The following CPXCR1 variants were observed in gnomAD, a reference collection of about 807,000 sequenced individuals.
CPXCR1 encodes CPX chromosome region candidate 1.
A neutral mutation model predicts 13.8 loss-of-function variants in CPXCR1; 15 were observed. That is an observed-to-expected ratio of 1.09 (90% CI 0.73 to 1.67). CPXCR1 has a LOEUF of 1.67. Ranked by LOEUF, CPXCR1 falls within the 40% of genes most tolerant of loss-of-function variation. The pLI is 0.00. For missense variants in CPXCR1, 247 were observed against 223.6 expected (o/e 1.10, Z -0.67); for synonymous variants, 70 against 76.7 (o/e 0.91, Z 0.46).
chrX:88,750,021 A>G (rs1211329252), intron 2 of CPXCR1, among the ~76,000 whole-genome samples: 1 of 110,441 alleles, frequency 9.1e-6, no homozygotes, highest in Admixed American at 9.8e-5. Context: ...GTCATCTGCA[A>G]ACAGAGGCAA....
In CPXCR1 at chrX:88,753,979, C is replaced by T. The variant is rs868179536; in HGVS notation, c.565C>T (p.His189Tyr). Reference protein sequence around the residue: ...ACLYHPNSFTHHERAITFRRP... With the variant: ...ACLYHPNSFTYHERAITFRRP... ...TCTTTACCATCCAAATAGTTTCACC[C>T]ATCACGAGAGAGCCATAACATTTAG... The change falls in exon 3 of 3, where the codon CAT becomes TAT. Residue 189 changes from histidine (H) to tyrosine (Y), a missense_variant. Transcript: ENST00000276127. The T allele has an allele frequency of 1.7e-6, 2 of 1,206,976 alleles. No homozygotes were observed. The highest frequency in any genetic ancestry group is 1.8e-5 in the South Asian group (1 of 56,686).
intron 2 of CPXCR1, among the ~76,000 whole-genome samples, chrX:88,750,756 T>G (rs997300500): frequency 5.4e-5 from 6 of 111,799 alleles, no homozygotes; most frequent in African/African-American, 2.0e-4. Flanking sequence ...TAAGAACTTG[T>G]TATTGGTCTG....
At chrX:88,748,314 A>T (rs1040449225) in intron 1 of CPXCR1, among the ~76,000 whole-genome samples, 2 of 106,546 alleles carry the variant, frequency 1.9e-5, no homozygotes, top group East Asian at 5.7e-4. Flanking sequence ...ATATATTAAA[A>T]TTTATATTTA....
At chrX:88,752,978 C>T (rs947656582) in intron 2 of CPXCR1, among the ~76,000 whole-genome samples, 2 of 111,738 alleles carry the variant, frequency 1.8e-5, no homozygotes, top group East Asian at 5.6e-4. Context: ...CATATACACT[C>T]ATAATACCTT....
chrX:88,754,512 T>G lies in CPXCR1; in HGVS notation c.*192T>G. The G allele has an allele frequency of 2.9e-6, 1 of 340,521 alleles. No individual in the cohort carries two copies. The highest frequency in any genetic ancestry group is 8.6e-4 in the Middle Eastern group (1 of 1,161). 28.1% of individuals were successfully genotyped at this position (340,521 alleles called of 1,213,427 possible). A position where few individuals can be genotyped will look rare whatever the true frequency, so the allele number is the denominator to read the frequency against. On this transcript the variant is annotated 3_prime_UTR_variant, in exon 3 of 3. Transcript: ENST00000276127. ...GAGGAAACATCTGTTTATACTTTGC[T>G]TTTACAAGTACATCATTGAAATATC...
intron 1 of CPXCR1, among the ~76,000 whole-genome samples, chrX:88,749,035 C>T (rs1924849821): frequency 9.6e-6 from 1 of 104,469 alleles, no homozygotes; most frequent in Non-Finnish European, 2.0e-5. Context: ...CCCATTAACT[C>T]GTCATTTAGC....
chrX:88,751,745 T>C (rs1266346745), intron 2 of CPXCR1, among the ~76,000 whole-genome samples: 1 of 111,309 alleles, frequency 9.0e-6, no homozygotes, highest in African/African-American at 3.3e-5. Context: ...TAATTGAAGA[T>C]TAAATTGAAG....
intron 2 of CPXCR1, 61 bp from the exon 3 acceptor site, chrX:88,753,346 C>A: frequency 1.4e-6 from 1 of 698,550 alleles, no homozygotes; most frequent in Non-Finnish European, 2.0e-6. Flanking sequence ...AAAGAATTGA[C>A]TTCTTATAAA....
chrX:88,752,789 C>T (rs752278262), intron 2 of CPXCR1, among the ~76,000 whole-genome samples: 6 of 110,786 alleles, frequency 5.4e-5, no homozygotes, highest in South Asian at 3.8e-4. Context: ...TCAGGTGATC[C>T]GCCCGCCTCA....
intron 1 of CPXCR1, among the ~76,000 whole-genome samples, chrX:88,748,795 T>G (rs1006367945): frequency 9.0e-5 from 9 of 99,667 alleles, no homozygotes; most frequent in South Asian, 9.8e-4. Flanking sequence ...GATATTTCTT[T>G]TGTGTGTGTG....
chrX:88,753,163 T>C (rs1388342555), intron 2 of CPXCR1, among the ~76,000 whole-genome samples: 1 of 111,520 alleles, frequency 9.0e-6, no homozygotes, highest in Non-Finnish European at 1.9e-5. Flanking sequence ...AGAGGTTATG[T>C]TATTCCAAGT....
rs1275711332 is a variant in CPXCR1 at position 88,750,147 on chromosome X, T to C, written c.-9+724T>C. 5.4e-5 allele frequency among the ~76,000 whole-genome samples: 6 copies of C among 111,355 alleles called. No individual in the cohort carries two copies. In the Admixed American group the frequency reaches 5.8e-4, roughly 11 times the overall value. On this transcript the variant is annotated intron_variant, in intron 2 of 2. Coordinates refer to ENST00000276127, the MANE Select transcript of CPXCR1 (RefSeq NM_033048.6). ...GGTGAGAGAGGGCATCCTTGTCTTGTGGCAGTTTTCAAAGGGAATGCTTTC... is the reference window on the plus strand; with the variant it reads ...GGTGAGAGAGGGCATCCTTGTCTTGCGGCAGTTTTCAAAGGGAATGCTTTC...
Position 88,754,333 on chromosome X carries a change from T to C in CPXCR1, c.*13T>C. The stretch of plus-strand genomic sequence containing the variant: ...TTCTGGGAATTAAATTAAATTGGGG[T>C]AAATTCATTTTAAAATATAACTTCT... On this transcript the variant is annotated 3_prime_UTR_variant, in exon 3 of 3. Coordinates refer to ENST00000276127, the MANE Select transcript of CPXCR1 (RefSeq NM_033048.6). 2 of 1,001,362 alleles carry C rather than the reference T, an allele frequency of 2.0e-6. No homozygotes were observed. The highest frequency in any genetic ancestry group is 1.3e-6 in the Non-Finnish European group (1 of 745,493). 82.5% of individuals were successfully genotyped at this position (1,001,362 alleles called of 1,213,427 possible). A position where few individuals can be genotyped will look rare whatever the true frequency, so the allele number is the denominator to read the frequency against.
rs769274838 is a variant in CPXCR1, at chrX:88,753,907, G to T, written c.493G>T (p.Ala165Ser). 5.8e-6 allele frequency: 7 copies of T among 1,210,649 alleles called. No homozygotes were observed. The South Asian group carries it at 8.8e-5, about 15-fold the overall frequency. ...LLCDRYFSQA[A>S]GCQNTMWVKR... ...ATGTGATAGATATTTCTCTCAGGCTGCAGGGTGTCAGAATACCATGTGGGT... is the reference window on the plus strand; with the variant it reads ...ATGTGATAGATATTTCTCTCAGGCTTCAGGGTGTCAGAATACCATGTGGGT... Residue 165 changes from alanine (A) to serine (S), a missense_variant, in exon 3 of 3, where the codon GCA becomes TCA. Ala to Ser is a moderately conservative substitution (Grantham distance 99). Transcript: ENST00000276127.
intron 2 of CPXCR1, among the ~76,000 whole-genome samples, chrX:88,750,449 T>C (rs1432395394): frequency 3.6e-5 from 4 of 111,731 alleles, no homozygotes; most frequent in Non-Finnish European, 7.5e-5. Context: ...GATAAGCTTT[T>C]TGATGTGCTG....
At chrX:88,751,159 G>A (rs1320505083) in intron 2 of CPXCR1, among the ~76,000 whole-genome samples, 1 of 111,263 alleles carries the variant, frequency 9.0e-6, no homozygotes, top group Non-Finnish European at 1.9e-5. Flanking sequence ...TAATCGTGAG[G>A]TTAGGGTGCC....
chrX:88,752,778 C>G (rs1238257704), intron 2 of CPXCR1, among the ~76,000 whole-genome samples: 1 of 110,575 alleles, frequency 9.0e-6, no homozygotes, highest in Non-Finnish European at 1.9e-5. Flanking sequence ...AAGTTTTGAC[C>G]TCAGGTGATC....
intron 1 of CPXCR1, among the ~76,000 whole-genome samples, chrX:88,748,072 C>T (rs767338911): frequency 9.0e-6 from 1 of 110,823 alleles, no homozygotes; most frequent in South Asian, 3.7e-4. Flanking sequence ...AAAACACAAC[C>T]CTGGTATTTA....
At chrX:88,750,778 G>C (rs769787976) in intron 2 of CPXCR1, among the ~76,000 whole-genome samples, 60 of 111,333 alleles carry the variant, frequency 5.4e-4, no homozygotes, top group African/African-American at 1.9e-3. Context: ...TCACGGATTC[G>C]ACTTCTTCCT....
Sources: allele counts gnomAD v4.1 joint callset (sites outside exome capture counted in the v4.1 genomes callset), GRCh38; gene constraint gnomAD v4.1.1; transcripts MANE v1.5; gene names NCBI Gene and HGNC (gene_info 2026-07-23, HGNC 2026-07-21).